Variants in SGCG observed in about 807,000 individuals in gnomAD.
The protein encoded by SGCG is gamma-sarcoglycan.
A neutral mutation model predicts 29.3 loss-of-function variants in SGCG; 26 were observed. That is an observed-to-expected ratio of 0.89 (90% CI 0.65 to 1.23). The LOEUF (loss-of-function observed/expected upper bound fraction) is 1.23, where lower values mean the gene tolerates loss of function less well. SGCG is among the 50% of genes most tolerant of loss of function. The pLI is 0.00. For missense variants in SGCG, 353 were observed against 356.0 expected (o/e 0.99, Z 0.07); for synonymous variants, 145 against 129.7 (o/e 1.12, Z -0.80).
chr13:23,245,177 C>T (rs1405481427), intron 3 of SGCG: 1 of 152,174 alleles, frequency 6.6e-6, no homozygotes, highest in Non-Finnish European at 1.5e-5. Flanking sequence ...TCCTTTCGTC[C>T]TTGTGATCCC....
intron 4 of SGCG, among the ~76,000 whole-genome samples, chr13:23,261,302 A>G (rs1256401038): frequency 6.6e-6 from 1 of 152,004 alleles, no homozygotes; most frequent in African/African-American, 2.4e-5. Flanking sequence ...AGATAGATCA[A>G]AAAACAAAAA....
At chr13:23,323,392 G>A (rs1160195801) in intron 7 of SGCG, among the ~76,000 whole-genome samples, 3 of 152,200 alleles carry the variant, frequency 2.0e-5, no homozygotes, top group Admixed American at 1.3e-4. Flanking sequence ...GCACACCGGC[G>A]AATGCGTGCA....
At chr13:23,286,883 T>C (rs770069760) in intron 5 of SGCG, among the ~76,000 whole-genome samples, 41 of 152,236 alleles carry the variant, frequency 2.7e-4, no homozygotes, top group Admixed American at 1.0e-3. Context: ...GAATTGTTTA[T>C]TTCTGGAATT....
the SGCG span, among the ~76,000 whole-genome samples, chr13:23,169,561 C>T: frequency 7.2e-5 from 11 of 152,034 alleles, no homozygotes; most frequent in South Asian, 2.1e-3. Flanking sequence ...TGCCTGTAGT[C>T]CCAGCTACTC....
At chr13:23,299,442 A>T (rs56078429) in intron 6 of SGCG, among the ~76,000 whole-genome samples, 149 of 5,260 alleles carry the variant, frequency 0.028, 5 homozygotes, top group Admixed American at 0.061. Context: ...ATATATATAT[A>T]TATATATATA....
intron 1 of SGCG, among the ~76,000 whole-genome samples, chr13:23,201,044 A>G (rs1371993721): frequency 6.6e-6 from 1 of 152,134 alleles, no homozygotes; most frequent in Non-Finnish European, 1.5e-5. Context: ...GCATGTTTTG[A>G]AAGGACCACT....
At chr13:23,296,854 T>C (rs1881927746) in intron 6 of SGCG, among the ~76,000 whole-genome samples, 1 of 152,236 alleles carries the variant, frequency 6.6e-6, no homozygotes, top group African/African-American at 2.4e-5. Context: ...GGCTACTGAA[T>C]GTCATTTACA....
intron 7 of SGCG, among the ~76,000 whole-genome samples, chr13:23,322,522 T>G (rs478852): frequency 0.99 from 150,557 of 152,266 alleles, 74,454 homozygotes; most frequent in Middle Eastern, 1. Flanking sequence ...TCTCAGGGTT[T>G]GCCACTCCCA....
At chr13:23,307,037 TAGCTAAA>T (rs1327494918) in intron 6 of SGCG, among the ~76,000 whole-genome samples, 17 of 152,248 alleles carry the variant, frequency 1.1e-4, no homozygotes, top group Admixed American at 4.6e-4. Flanking sequence ...AATTTTCTTT[TAGCTAAA>T]CAGAACTTTT....
intron 5 of SGCG, among the ~76,000 whole-genome samples, chr13:23,282,848 A>G (rs1881358462): frequency 6.6e-6 from 1 of 152,152 alleles, no homozygotes; most frequent in African/African-American, 2.4e-5. Flanking sequence ...ATTTAGCGGC[A>G]TTCTTAGCCA....
the SGCG span, among the ~76,000 whole-genome samples, chr13:23,164,617 G>A: frequency 6.6e-6 from 1 of 152,170 alleles, no homozygotes; most frequent in Non-Finnish European, 1.5e-5. Context: ...GAAAGCTTCC[G>A]TTATGGCAGA....
At chr13:23,256,954 A>G (rs150993931) in intron 4 of SGCG, among the ~76,000 whole-genome samples, 1 of 152,016 alleles carries the variant, frequency 6.6e-6, no homozygotes, top group Non-Finnish European at 1.5e-5. Flanking sequence ...GAATCGCCAC[A>G]CTCTCTTCCA....
At chr13:23,257,087 G>A (rs1880216145) in intron 4 of SGCG, among the ~76,000 whole-genome samples, 1 of 152,126 alleles carries the variant, frequency 6.6e-6, no homozygotes, top group South Asian at 2.1e-4. Context: ...GGTGTGAAAT[G>A]GTATCTCTTT....
intron 2 of SGCG, among the ~76,000 whole-genome samples, chr13:23,204,951 T>C (rs1877931061): frequency 6.6e-6 from 1 of 152,024 alleles, no homozygotes; most frequent in Non-Finnish European, 1.5e-5. Flanking sequence ...TAAATAAATA[T>C]TTATGTTTTT....
intron 1 of SGCG, among the ~76,000 whole-genome samples, chr13:23,190,266 T>C (rs1877189698): frequency 6.6e-6 from 1 of 152,172 alleles, no homozygotes; most frequent in Non-Finnish European, 1.5e-5. Context: ...TATAGAGTTC[T>C]TCTGACTTGA....
chr13:23,162,905 A>T, the SGCG span, among the ~76,000 whole-genome samples: 21 of 152,294 alleles, frequency 1.4e-4, no homozygotes, highest in African/African-American at 4.8e-4. Context: ...ACCTTATTGT[A>T]CTGTGGGTAA....
At chr13:23,226,419 G>A (rs1420144137) in intron 2 of SGCG, among the ~76,000 whole-genome samples, 1 of 148,200 alleles carries the variant, frequency 6.7e-6, no homozygotes, top group African/African-American at 2.5e-5. Context: ...AATATCTGTA[G>A]GCTGAGAGCA....
At chr13:23,280,557 G>A (rs1052734196) in intron 5 of SGCG, among the ~76,000 whole-genome samples, 3 of 152,052 alleles carry the variant, frequency 2.0e-5, no homozygotes, top group Non-Finnish European at 4.4e-5. Flanking sequence ...TTTAATTAAC[G>A]GAAATTGGTA....
intron 3 of SGCG, among the ~76,000 whole-genome samples, chr13:23,237,056 G>A (rs999673440): frequency 2.0e-5 from 3 of 152,106 alleles, no homozygotes; most frequent in Non-Finnish European, 2.9e-5. Flanking sequence ...TTATGAATTT[G>A]CAAAATTTGA....
Sources: gnomAD v4.1 joint callset for allele counts (sites outside exome capture counted in the v4.1 genomes callset) on GRCh38, gnomAD v4.1.1 for gene constraint, MANE v1.5 for transcripts, NCBI Gene and HGNC (gene_info 2026-07-23, HGNC 2026-07-21) for gene names.